The following ABI3BP variants were observed in gnomAD, a reference collection of about 807,000 sequenced individuals.
ABI3BP encodes ABI family member 3 binding protein.
Under a neutral mutation model 268.6 loss-of-function variants are expected in ABI3BP, and 216 were observed. The observed-to-expected ratio is 0.80, with a 90% CI of 0.72 to 0.90. ABI3BP has a LOEUF of 0.90. Among genes scored for constraint, ABI3BP ranks in the 40% least tolerant of loss-of-function variants. ABI3BP has a pLI of 0.00. For missense variants in ABI3BP, 2,090 were observed against 2,182.4 expected (o/e 0.96, Z 0.84); for synonymous variants, 730 against 730.0 (o/e 1.00, Z 0.00).
At chr3:100,874,759 G>A (rs2099143732) in intron 9 of ABI3BP, 82 bp downstream of exon 9, 2 of 833,406 alleles carry the variant, frequency 2.4e-6, no homozygotes, top group Non-Finnish European at 3.7e-6. Flanking sequence ...CAGCTCATTA[G>A]CAAGATTCTT....
At chr3:100,891,257 A>G (rs1443604254) in intron 4 of ABI3BP, among the ~76,000 whole-genome samples, 4 of 152,204 alleles carry the variant, frequency 2.6e-5, no homozygotes, top group Admixed American at 6.5e-5. Flanking sequence ...TTCGTATAGT[A>G]TCACCCACTG....
chr3:100,931,306 C>T (rs2063547742), intron 1 of ABI3BP, among the ~76,000 whole-genome samples: 1 of 152,122 alleles, frequency 6.6e-6, no homozygotes, highest in East Asian at 1.9e-4. Context: ...TGCCCACTCT[C>T]ACCATTCCTA....
chr3:100,911,057 C>T (rs911365234), intron 2 of ABI3BP: 1 of 200,870 alleles, frequency 5.0e-6, no homozygotes, highest in East Asian at 1.5e-4. Flanking sequence ...GATGCTTTTT[C>T]TTGGTTACTA....
chr3:100,842,081 C>T, intron 20 of ABI3BP, 42 bp from the exon 21 acceptor site: 1 of 1,464,498 alleles, frequency 6.8e-7, no homozygotes, highest in South Asian at 1.2e-5. Context: ...TGCTGAAGAG[C>T]ACCATCTGAG....
In ABI3BP at chr3:100,864,833, C is replaced by A; in HGVS notation, c.1063G>T (p.Val355Phe). The A allele has an allele frequency of 6.2e-7, 1 of 1,600,294 alleles. No individual in the cohort carries two copies. Among genetic ancestry groups the A allele is most frequent in the Non-Finnish European group, 8.5e-7 (1 of 1,173,900 alleles). ...AAAAAAAAAAAGTTCTTAGAATTAC[C>A]CAGTGTTGTTTCTGAAACATCTAAT... is the stretch of plus-strand genomic sequence containing the variant. ...SALDVSETTL[V>F]LSKRTPETLQ... is the part of the protein sequence containing the mutation. Residue 355 changes from valine to phenylalanine, a missense_variant and splice_region_variant, in exon 11 of 68, where the codon GTT (valine) becomes TTT (phenylalanine). Coordinates refer to ENST00000471714, the MANE Select transcript of ABI3BP (RefSeq NM_001375547.2).
chr3:100,843,139 T>C (rs1200095196), intron 20 of ABI3BP, among the ~76,000 whole-genome samples: 1 of 152,180 alleles, frequency 6.6e-6, no homozygotes, highest in Admixed American at 6.6e-5. Flanking sequence ...ACAGAATTTT[T>C]ATTTCTTCTA....
intron 51 of ABI3BP, among the ~76,000 whole-genome samples, 185 bp from the exon 52 acceptor site, chr3:100,796,653 G>T (rs2097354542): frequency 1.3e-5 from 2 of 152,076 alleles, no homozygotes; most frequent in South Asian, 4.1e-4. Flanking sequence ...TGCAGGGAAG[G>T]TTCTGGTGGC....
rs117599205 is a variant in ABI3BP, at chr3:100,794,247, C to T, written c.3946+676G>A. On this transcript the variant is annotated intron_variant, in intron 54 of 67. Coordinates refer to ENST00000471714, the MANE Select transcript of ABI3BP (RefSeq NM_001375547.2). ...TTGATGTTAATCCTAGGCACCCTGT[C>T]GGCTGAGTGTGTAGATTCTAATCCT... 1.5e-3 allele frequency among the ~76,000 whole-genome samples: 229 copies of T among 152,106 alleles called. No individual in the cohort carries two copies. The East Asian group carries it at 0.021, about 14-fold the overall frequency.
At chr3:100,833,910 G>A (rs553862868) in intron 29 of ABI3BP, among the ~76,000 whole-genome samples, 12 of 152,178 alleles carry the variant, frequency 7.9e-5, no homozygotes, top group South Asian at 2.1e-4. Flanking sequence ...ACCCTCACAC[G>A]ACACCTTCCT....
chr3:100,829,953 G>C (rs2098455740), intron 32 of ABI3BP, among the ~76,000 whole-genome samples: 1 of 151,052 alleles, frequency 6.6e-6, no homozygotes, highest in South Asian at 2.1e-4. Context: ...ATGGGGGTAA[G>C]TATAGGGTGA....
At chr3:100,964,037 C>T (rs1031082657) in intron 1 of ABI3BP, among the ~76,000 whole-genome samples, 2 of 152,150 alleles carry the variant, frequency 1.3e-5, no homozygotes, top group African/African-American at 4.8e-5. Flanking sequence ...GAAGAAATCA[C>T]TTAGGCAGAT....
In ABI3BP at chr3:100,750,593, G is replaced by A. The variant is rs1460896535; in HGVS notation, c.5263C>T (p.Arg1755Cys). Residue 1755 changes from arginine to cysteine, a missense_variant, in exon 68 of 68, where the codon CGC (arginine) becomes TGC (cysteine). Physicochemically the swap from Arg to Cys is radical, Grantham distance 180. Coordinates refer to ENST00000471714, the MANE Select transcript of ABI3BP (RefSeq NM_001375547.2). ...TCTCCAAATTGGACAGGTTCCTGGC[G>A]AACTGCTCTGAAATAACCTGAGAGA... ...PIKEGYFRAV[R>C]QEPVQFGEIG... 9.9e-6 allele frequency: 16 copies of A among 1,611,842 alleles called. No homozygotes were observed. The highest frequency in any genetic ancestry group is 1.3e-5 in the Non-Finnish European group (15 of 1,178,740).
intron 1 of ABI3BP, among the ~76,000 whole-genome samples, chr3:100,989,885 A>C (rs2092651166): frequency 6.6e-6 from 1 of 152,214 alleles, no homozygotes; most frequent in Non-Finnish European, 1.5e-5. Flanking sequence ...AAGGTATAAA[A>C]CAATGTGAAA....
chr3:100,894,952 A>AAAAAAAAAAAAAAAAAAAC (rs1561384128), intron 4 of ABI3BP, among the ~76,000 whole-genome samples: 1 of 111,622 alleles, frequency 9.0e-6, no homozygotes, highest in Non-Finnish European at 2.3e-5. Flanking sequence ...AAAAAAAAAA[A>AAAAAAAAAAAAAAAAAAAC]AAAAAAAAAA....
chr3:100,775,984 C>T (rs1456583947), intron 59 of ABI3BP, among the ~76,000 whole-genome samples: 1 of 152,106 alleles, frequency 6.6e-6, no homozygotes, highest in Non-Finnish European at 1.5e-5. Flanking sequence ...AAGATGGCTA[C>T]AGAAGAAGGA....
intron 56 of ABI3BP, among the ~76,000 whole-genome samples, chr3:100,788,496 C>T (rs554362946): frequency 6.6e-6 from 1 of 152,172 alleles, no homozygotes; most frequent in East Asian, 1.9e-4. Context: ...GCCTCAGCTT[C>T]CTCAACTGTA....
intron 51 of ABI3BP, among the ~76,000 whole-genome samples, chr3:100,800,987 T>C (rs546222428): frequency 3.9e-5 from 6 of 152,210 alleles, no homozygotes; most frequent in Non-Finnish European, 8.8e-5. Flanking sequence ...TAGTTATTGA[T>C]ATTATTCCTG....
intron 64 of ABI3BP, 145 bp from the exon 65 acceptor site, chr3:100,753,993 G>GT (rs2095481578): frequency 1.1e-6 from 1 of 872,848 alleles, no homozygotes; most frequent in South Asian, 1.6e-5. Flanking sequence ...GAATTTGAAA[G>GT]TTTGCTTTGT....
intron 2 of ABI3BP, chr3:100,912,162 T>C: frequency 2.5e-6 from 1 of 401,612 alleles, no homozygotes; most frequent in South Asian, 3.0e-5. Context: ...CAAGAACACC[T>C]GCTCTTACCC....
Sources: gnomAD v4.1 joint callset for allele counts (sites outside exome capture counted in the v4.1 genomes callset) on GRCh38, gnomAD v4.1.1 for gene constraint, MANE v1.5 for transcripts, NCBI Gene and HGNC (gene_info 2026-07-23, HGNC 2026-07-21) for gene names.